KIAA1671: variants seen among roughly 807,000 people sequenced by gnomAD.
KIAA1671 encodes uncharacterized protein KIAA1671.
KIAA1671 carries 52 observed loss-of-function variants against 131.2 expected under a neutral mutation model. That is an observed-to-expected ratio of 0.40 (90% CI 0.32 to 0.50). The LOEUF (loss-of-function observed/expected upper bound fraction) is 0.50. Ranked by LOEUF, KIAA1671 falls within the 20% of genes least tolerant of loss-of-function variation. The pLI, the probability that KIAA1671 is intolerant of heterozygous loss-of-function variation, is 0.73. For synonymous variants in KIAA1671, 1,003 were observed against 961.6 expected, an observed-to-expected ratio of 1.04 and a Z score of -0.80; for missense variants, 2,360 against 2,364.2, an observed-to-expected ratio of 1.00 and a Z score of 0.04.
chr22:25,181,960 G>C (rs1032079545), intron 10 of KIAA1671, 137 bp downstream of exon 10: 2 of 845,198 alleles, frequency 2.4e-6, no homozygotes, highest in Non-Finnish European at 3.5e-6. Flanking sequence ...GGCGGATCAC[G>C]AGATCAGGAG....
chr22:25,007,213 T>C (rs1220395007), intron 1 of KIAA1671, among the ~76,000 whole-genome samples: 1 of 151,994 alleles, frequency 6.6e-6, no homozygotes, highest in African/African-American at 2.4e-5. Context: ...GTTAGCCAGG[T>C]GCGGTGGCTC....
At position 25,040,554 on chromosome 22, in the gene KIAA1671, C is replaced by A; in HGVS notation, c.3424C>A (p.Pro1142Thr). The change falls in exon 5 of 13, where the codon CCT becomes ACT. Residue 1142 changes from proline (P) to threonine (T), a missense_variant. This residue lies in a region of KIAA1671 where 1,161 missense variants were observed against 1,204.7 expected (regional missense o/e 0.96). Transcript: ENST00000358431. ...TCGGGGATCAGAAGATGGCCCTCGT[C>A]CTCAAAGCAATTGGAAGGAAAGTGC... is the stretch of plus-strand genomic sequence containing the variant. ...SHRGSEDGPRPQSNWKESANK... is the reference protein window; with the variant it reads ...SHRGSEDGPRTQSNWKESANK... 1 of 1,551,764 alleles carries A rather than the reference C, an allele frequency of 6.4e-7. No individual in the cohort carries two copies. The highest frequency in any genetic ancestry group is 2.0e-5 in the Admixed American group (1 of 50,992).
At chr22:25,177,587 C>T in intron 9 of KIAA1671, 65 bp downstream of exon 9, 2 of 1,394,494 alleles carry the variant, frequency 1.4e-6, no homozygotes, top group East Asian at 5.1e-5. Flanking sequence ...TAGACTAAGC[C>T]CTATGAAAAA....
At chr22:25,168,266 G>A (rs1221685304) in intron 6 of KIAA1671, among the ~76,000 whole-genome samples, 1 of 152,234 alleles carries the variant, frequency 6.6e-6, no homozygotes, top group Non-Finnish European at 1.5e-5. Flanking sequence ...ATGAGTTGCA[G>A]AATCCTAGAG....
intron 6 of KIAA1671, among the ~76,000 whole-genome samples, chr22:25,149,097 A>G (rs1470628269): frequency 8.6e-6 from 1 of 116,346 alleles, no homozygotes; most frequent in Admixed American, 7.6e-5. Context: ...CTGAGCACCT[A>G]CTATTGCCAG....
At position 25,040,758 on chromosome 22, in the gene KIAA1671, G is replaced by C. The variant is rs1730994298; in HGVS notation, c.3628G>C (p.Glu1210Gln). The C allele has an allele frequency of 6.4e-7, 1 of 1,551,742 alleles. No homozygotes were observed. The highest frequency in any genetic ancestry group is 8.7e-7 in the Non-Finnish European group (1 of 1,147,056). Reference sequence around the variant, plus strand: ...TGACGCCCTGATGGCAGAGTACCAGGAGCTGTCGCTGAAAGTCCCTGGGGA... The same window carrying C: ...TGACGCCCTGATGGCAGAGTACCAGCAGCTGTCGCTGAAAGTCCCTGGGGA... ...DIDALMAEYQ[E>Q]LSLKVPGEAQ... Residue 1210 changes from glutamate (E) to glutamine (Q), a missense_variant, in exon 5 of 13, where the codon GAG becomes CAG. Transcript: ENST00000358431.
intron 1 of KIAA1671, among the ~76,000 whole-genome samples, chr22:24,984,612 G>A (rs984348908): frequency 3.3e-5 from 5 of 152,182 alleles, no homozygotes; most frequent in Non-Finnish European, 5.9e-5. Flanking sequence ...GTGAGCTGCT[G>A]TGAGTCTTCC....
intron 1 of KIAA1671, chr22:25,022,501 C>G (rs1285036357): frequency 6.6e-6 from 1 of 152,168 alleles, no homozygotes; most frequent in African/African-American, 2.4e-5. Context: ...TGAATGCTTT[C>G]GAATGACTCC....
intron 1 of KIAA1671, among the ~76,000 whole-genome samples, chr22:25,002,147 C>T (rs965964704): frequency 6.6e-6 from 1 of 152,092 alleles, no homozygotes; most frequent in Non-Finnish European, 1.5e-5. Context: ...TATTTTTGGA[C>T]TTAGCATTTG....
chr22:25,045,511 G>A (rs1927173876), intron 5 of KIAA1671, among the ~76,000 whole-genome samples: 1 of 152,184 alleles, frequency 6.6e-6, no homozygotes, highest in Admixed American at 6.5e-5. Flanking sequence ...CATAGATAAA[G>A]GTAAATGCAT....
intron 5 of KIAA1671, among the ~76,000 whole-genome samples, chr22:25,042,943 G>C (rs1442002310): frequency 6.6e-6 from 1 of 152,166 alleles, no homozygotes; most frequent in Non-Finnish European, 1.5e-5. Flanking sequence ...AAGGGACCTG[G>C]AGTATGTATT....
chr22:25,151,881 G>C (rs1933057217), intron 6 of KIAA1671, among the ~76,000 whole-genome samples: 1 of 152,084 alleles, frequency 6.6e-6, no homozygotes, highest in African/African-American at 2.4e-5. Context: ...TGGGACTACA[G>C]GTGTGAGCCA....
At chr22:25,084,147 A>C (rs552206093) in intron 6 of KIAA1671, among the ~76,000 whole-genome samples, 1 of 152,330 alleles carries the variant, frequency 6.6e-6, no homozygotes, top group Admixed American at 6.5e-5. Context: ...AAGGCTGCAG[A>C]GCCCCCTCTG....
At chr22:25,182,189 C>A (rs1393043234) in intron 10 of KIAA1671, among the ~76,000 whole-genome samples, 1 of 145,162 alleles carries the variant, frequency 6.9e-6, no homozygotes, top group Non-Finnish European at 1.5e-5. Context: ...AAAAAAAAAA[C>A]AAAAAACAAA....
intron 1 of KIAA1671, among the ~76,000 whole-genome samples, chr22:24,969,031 C>A (rs1458089409): frequency 6.6e-6 from 1 of 152,082 alleles, no homozygotes; most frequent in East Asian, 1.9e-4. Context: ...TCCTGAGTAG[C>A]TGGGACTACA....
intron 4 of KIAA1671, among the ~76,000 whole-genome samples, chr22:25,037,367 T>C (rs535201982): frequency 1.5e-5 from 2 of 136,660 alleles, no homozygotes; most frequent in East Asian, 3.9e-4. Flanking sequence ...TATATATGTG[T>C]ATATATGTAT....
At chr22:25,191,413 C>A (rs1427461082) in intron 12 of KIAA1671, among the ~76,000 whole-genome samples, 1 of 152,146 alleles carries the variant, frequency 6.6e-6, no homozygotes, top group Non-Finnish European at 1.5e-5. Flanking sequence ...ACCTCTGGCT[C>A]CCAAAGTGCT....
intron 1 of KIAA1671, among the ~76,000 whole-genome samples, chr22:24,959,564 A>G (rs1921903334): frequency 6.9e-6 from 1 of 145,116 alleles, no homozygotes; most frequent in Middle Eastern, 3.4e-3. Context: ...ATCGAGGCAC[A>G]TACACACACA....
Position 25,039,021 on chromosome 22 carries a change from T to C in KIAA1671, c.1891T>C (p.Cys631Arg), listed in dbSNP as rs1926770042. Reference protein sequence around the residue: ...RHTVADQSGRCLSTTPPGDMA... With the variant: ...RHTVADQSGRRLSTTPPGDMA... ...CACAGTGGCTGACCAGTCGGGACGT[T>C]GTCTCTCCACCACACCCCCTGGTGA... Residue 631 changes from cysteine (C) to arginine (R), a missense_variant, in exon 5 of 13, where the codon TGT becomes CGT. Physicochemically the swap from Cys to Arg is radical, Grantham distance 180 (BLOSUM62 -3). Around this residue, in one of 3 missense-constraint regions of KIAA1671, gnomAD observed 1,185 missense variants for 1,126.2 expected, o/e 1.05. Coordinates refer to ENST00000358431, the MANE Select transcript of KIAA1671 (RefSeq NM_001145206.2). 6.4e-7 allele frequency: 1 copy of C among 1,551,570 alleles called. No individual in the cohort carries two copies. The highest frequency in any genetic ancestry group is 8.7e-7 in the Non-Finnish European group (1 of 1,147,032).
Sources: allele counts gnomAD v4.1 joint callset (sites outside exome capture counted in the v4.1 genomes callset), GRCh38; gene constraint gnomAD v4.1.1; regional missense constraint gnomAD v4.1.1; transcripts MANE v1.5; gene names NCBI Gene and HGNC (gene_info 2026-07-23, HGNC 2026-07-21).